The following ITPK1 variants were observed in gnomAD, a reference collection of about 807,000 sequenced individuals.
ITPK1 encodes the protein inositol 1,3,4-trisphosphate 5/6-kinase.
In ITPK1, 21 loss-of-function variants were observed where a neutral mutation model predicts 45.3. The observed-to-expected ratio is 0.46, with a 90% CI of 0.33 to 0.67. The LOEUF is 0.67. Ranked by LOEUF, ITPK1 falls within the 30% of genes least tolerant of loss-of-function variation. ITPK1 has a pLI of 0.02. For missense variants in ITPK1, 474 were observed against 573.5 expected, an observed-to-expected ratio of 0.83 and a Z score of 1.77; for synonymous variants, 258 against 253.6, an observed-to-expected ratio of 1.02 and a Z score of -0.16.
intron 10 of ITPK1, among the ~76,000 whole-genome samples, chr14:92,943,677 G>A (rs1323019489): frequency 6.6e-6 from 1 of 152,236 alleles, no homozygotes. Context: ...TGGTGGTGCA[G>A]AGACGGCTGC....
chr14:93,090,970 C>T (rs1891843245), intron 2 of ITPK1, among the ~76,000 whole-genome samples: 1 of 152,158 alleles, frequency 6.6e-6, no homozygotes, highest in Non-Finnish European at 1.5e-5. Context: ...TCCTCCTCAT[C>T]CCTTCCTCCG....
intron 3 of ITPK1, among the ~76,000 whole-genome samples, chr14:93,064,140 G>T (rs940802426): frequency 6.6e-6 from 1 of 152,140 alleles, no homozygotes; most frequent in Admixed American, 6.5e-5. Flanking sequence ...AAAATTAGCC[G>T]GGCGTGGTGG....
At chr14:93,095,599 T>G (rs574389481) in intron 2 of ITPK1, among the ~76,000 whole-genome samples, 1 of 139,810 alleles carries the variant, frequency 7.2e-6, no homozygotes, top group African/African-American at 2.9e-5. Flanking sequence ...TTTTAATAAA[T>G]TCAACTTTTA....
intron 9 of ITPK1, among the ~76,000 whole-genome samples, chr14:92,950,546 A>G (rs1324303920): frequency 6.6e-6 from 1 of 152,260 alleles, no homozygotes; most frequent in East Asian, 1.9e-4. Context: ...AGGGCCCTGC[A>G]GTGTCTCTAG....
chr14:93,085,706 C>G (rs1451436614), intron 2 of ITPK1, among the ~76,000 whole-genome samples: 1 of 152,232 alleles, frequency 6.6e-6, no homozygotes, highest in Non-Finnish European at 1.5e-5. Flanking sequence ...GGGGCCACCA[C>G]TTCAGATCAG....
Position 93,036,527 on chromosome 14 carries a change from C to T in ITPK1, c.121-19726G>A, listed in dbSNP as rs1294308386. Among the ~76,000 whole-genome samples the T allele has an allele frequency of 6.6e-6, 1 of 151,958 alleles. No individual in the cohort carries two copies. The highest frequency in any genetic ancestry group is 1.5e-5 in the Non-Finnish European group (1 of 67,966). ...CACGTGCCCCATTTGACCCCCACGG[C>T]TCTTGCTGTTTGCTGGTGGCAGCCT... On this transcript the variant is annotated intron_variant, in intron 3 of 10. Coordinates refer to ENST00000267615, the MANE Select transcript of ITPK1 (RefSeq NM_014216.6). This position sits in a 1 kb window ranked among gnomAD's most constrained non-coding sequence, Gnocchi z 4.1.
chr14:93,066,334 GTGTGTGTA>G (rs772322739), intron 3 of ITPK1: 123 of 446,680 alleles, frequency 2.8e-4, no homozygotes, highest in South Asian at 3.3e-4. Context: ...GTGTGTGTGT[GTGTGTGTA>G]GGGGGCAGAG....
intron 5 of ITPK1, among the ~76,000 whole-genome samples, chr14:92,967,917 G>A (rs923041468): frequency 1.2e-4 from 19 of 152,182 alleles, no homozygotes; most frequent in Non-Finnish European, 2.6e-4. Context: ...GAAGGAACTG[G>A]GAGGGACTGC....
intron 2 of ITPK1, among the ~76,000 whole-genome samples, chr14:93,088,341 G>GTTT (rs1179019290): frequency 1.5e-5 from 2 of 132,718 alleles, no homozygotes; most frequent in African/African-American, 2.8e-5. Context: ...GTTTTGTTTT[G>GTTT]TTTTTTTTTT....
At chr14:92,972,897 T>C (rs1885730317) in intron 5 of ITPK1, among the ~76,000 whole-genome samples, 2 of 152,228 alleles carry the variant, frequency 1.3e-5, no homozygotes. Flanking sequence ...AACTCTTCTC[T>C]GACCGCACAA....
intron 2 of ITPK1, among the ~76,000 whole-genome samples, chr14:93,107,330 C>T (rs963814690): frequency 7.2e-5 from 11 of 152,144 alleles, no homozygotes; most frequent in Non-Finnish European, 1.2e-4. Flanking sequence ...AATAAAGCTG[C>T]CAAAATCTCT....
At chr14:92,973,244 G>A (rs1336846830) in intron 5 of ITPK1, among the ~76,000 whole-genome samples, 3 of 152,246 alleles carry the variant, frequency 2.0e-5, no homozygotes, top group Non-Finnish European at 2.9e-5. Context: ...GACAGGAGAA[G>A]GCAGGCCTCA....
At chr14:93,094,220 G>A (rs1891976442) in intron 2 of ITPK1, among the ~76,000 whole-genome samples, 2 of 152,244 alleles carry the variant, frequency 1.3e-5, no homozygotes, top group Non-Finnish European at 2.9e-5. Context: ...CTTGGAGCAG[G>A]GGATTGGAGG....
intron 5 of ITPK1, among the ~76,000 whole-genome samples, chr14:92,986,651 G>A (rs113709400): frequency 3.9e-5 from 6 of 152,208 alleles, no homozygotes; most frequent in Non-Finnish European, 5.9e-5. Flanking sequence ...AAGCCACTGA[G>A]CTGGAGGGCG....
intron 3 of ITPK1, among the ~76,000 whole-genome samples, chr14:93,017,387 G>A (rs970105980): frequency 2.0e-5 from 3 of 152,246 alleles, no homozygotes; most frequent in Non-Finnish European, 4.4e-5. Context: ...CGGGAGAAGC[G>A]AAGGCGCGTA....
chr14:92,975,060 G>A (rs775367584), intron 5 of ITPK1, among the ~76,000 whole-genome samples: 59 of 152,204 alleles, frequency 3.9e-4, no homozygotes, highest in African/African-American at 1.2e-3. Flanking sequence ...ATGCTGTTGC[G>A]AGGGGGCAAG....
At chr14:93,028,786 C>T (rs373682492) in intron 3 of ITPK1, among the ~76,000 whole-genome samples, 2 of 152,232 alleles carry the variant, frequency 1.3e-5, no homozygotes, top group African/African-American at 2.4e-5. Flanking sequence ...GGTTCAGCTT[C>T]GGCATTTCTA....
At chr14:92,968,824 C>G (rs548059345) in intron 5 of ITPK1, among the ~76,000 whole-genome samples, 1 of 152,346 alleles carries the variant, frequency 6.6e-6, no homozygotes, top group Admixed American at 6.5e-5. Flanking sequence ...CACTCCTGCT[C>G]TGGCGTGGGG....
chr14:92,984,123 G>C (rs7154944), intron 5 of ITPK1, among the ~76,000 whole-genome samples: 3 of 152,046 alleles, frequency 2.0e-5, no homozygotes, highest in Non-Finnish European at 2.9e-5. Context: ...AATAGGAAGG[G>C]TCTAGAAAGA....
Sources: gnomAD v4.1 joint callset for allele counts (sites outside exome capture counted in the v4.1 genomes callset) on GRCh38, gnomAD v4.1.1 for gene constraint, Gnocchi (gnomAD v3.1) non-coding constraint, MANE v1.5 for transcripts, NCBI Gene and HGNC (gene_info 2026-07-23, HGNC 2026-07-21) for gene names.